PTPN21: variants seen among roughly 807,000 people sequenced by gnomAD.
PTPN21 encodes the protein protein tyrosine phosphatase non-receptor type 21.
A neutral mutation model predicts 131.8 loss-of-function variants in PTPN21; 77 were observed. That is an observed-to-expected ratio of 0.58 (90% CI 0.49 to 0.71). PTPN21 has a LOEUF of 0.71. Among genes scored for constraint, PTPN21 ranks in the 30% least tolerant of loss-of-function variants. PTPN21 has a pLI of 0.00. For missense variants in PTPN21, 1,552 were observed against 1,527.1 expected (o/e 1.02, Z -0.27); for synonymous variants, 715 against 621.3 (o/e 1.15, Z -2.24).
At position 88,466,021 on chromosome 14, in the gene PTPN21, CTGTT is replaced by C. The variant is rs1247764318; in HGVS notation, c.*2112_*2115del. 7.3e-5 allele frequency: 11 copies of C among 151,264 alleles called. No homozygotes were observed. The highest frequency in any genetic ancestry group is 1.2e-4 in the Non-Finnish European group (8 of 67,956). The allele number at this position is 151,264 out of a possible 1,614,324, so 9.4% of individuals were successfully genotyped here. On this transcript the variant is annotated 3_prime_UTR_variant, in exon 19 of 19. Transcript: ENST00000556564. ...GTTCTTGTCAACGAGCTATGTCAAA[CTGTT>C]TGTTTAAACCTGACAGAAAAGCATT...
At chr14:88,483,232 T>C (rs1413716712) in intron 12 of PTPN21, among the ~76,000 whole-genome samples, 1 of 137,456 alleles carries the variant, frequency 7.3e-6, no homozygotes, top group Admixed American at 7.2e-5. Flanking sequence ...AAAAAAAAAG[T>C]CAGTGAGAAA....
intron 2 of PTPN21, chr14:88,547,525 G>A (rs1004874012): frequency 5.6e-6 from 2 of 354,704 alleles, no homozygotes; most frequent in Admixed American, 3.5e-5. Flanking sequence ...GTGGTGGAGT[G>A]TACCTGTAGT....
chr14:88,528,855 C>G (rs2078516604), intron 2 of PTPN21, among the ~76,000 whole-genome samples: 1 of 152,152 alleles, frequency 6.6e-6, no homozygotes, highest in South Asian at 2.1e-4. Flanking sequence ...TTACTGAATT[C>G]ATTTATCGAT....
intron 6 of PTPN21, among the ~76,000 whole-genome samples, chr14:88,502,877 G>C (rs1466406440): frequency 6.6e-6 from 1 of 152,008 alleles, no homozygotes; most frequent in Admixed American, 6.6e-5. Context: ...AGAGGTAAGA[G>C]GAAACTGATA....
At chr14:88,503,559 T>C (rs1266503487) in intron 6 of PTPN21, among the ~76,000 whole-genome samples, 2 of 152,192 alleles carry the variant, frequency 1.3e-5, no homozygotes, top group African/African-American at 4.8e-5. Context: ...TGTTTTTCAC[T>C]TTCAGTACAG....
At chr14:88,546,811 C>G (rs2078789204) in intron 2 of PTPN21, among the ~76,000 whole-genome samples, 2 of 152,190 alleles carry the variant, frequency 1.3e-5, no homozygotes, top group South Asian at 4.2e-4. Flanking sequence ...TGTGACCCCA[C>G]TCAGATTATT....
chr14:88,505,165 G>A (rs559458646), intron 5 of PTPN21, 139 bp downstream of exon 5: 21 of 676,258 alleles, frequency 3.1e-5, no homozygotes, highest in African/African-American at 1.1e-4. Context: ...TCACACTTGA[G>A]ATGTTTATAA....
chr14:88,518,256 A>AAAAAATATG (rs2078314321), intron 2 of PTPN21, among the ~76,000 whole-genome samples: 1 of 32,496 alleles, frequency 3.1e-5, no homozygotes, highest in African/African-American at 1.6e-4. Context: ...AAAAAAAAAA[A>AAAAAATATG]TATATATATA....
At chr14:88,545,770 G>T (rs903144889) in intron 2 of PTPN21, among the ~76,000 whole-genome samples, 1 of 152,052 alleles carries the variant, frequency 6.6e-6, no homozygotes, top group East Asian at 1.9e-4. Flanking sequence ...AGACCATCCT[G>T]GCTAACACGG....
At chr14:88,484,660 A>G (rs1157666318) in intron 12 of PTPN21, among the ~76,000 whole-genome samples, 1 of 152,132 alleles carries the variant, frequency 6.6e-6, no homozygotes, top group Non-Finnish European at 1.5e-5. Context: ...ACCCAAATAT[A>G]CCTGGATCAT....
At chr14:88,547,896 G>C (rs952902610) in intron 2 of PTPN21, among the ~76,000 whole-genome samples, 5 of 152,008 alleles carry the variant, frequency 3.3e-5, no homozygotes, top group Non-Finnish European at 7.4e-5. Flanking sequence ...TGGATCTCAT[G>C]CCTGAACTCC....
In PTPN21 at chr14:88,491,440, C is replaced by A. The variant is rs999701844; in HGVS notation, c.932+4973G>T. Among the ~76,000 whole-genome samples, 3 of 152,290 alleles carry A rather than the reference C, an allele frequency of 2.0e-5. No individual in the cohort carries two copies. In the South Asian group the frequency reaches 6.2e-4, roughly 32 times the overall value. On this transcript the variant is annotated intron_variant, in intron 10 of 18. Coordinates refer to ENST00000556564, the MANE Select transcript of PTPN21 (RefSeq NM_007039.4). Reference sequence around the variant, plus strand: ...CCCAAAGCAGATGTCCAGAAGCCACCGTCCAGTTCCAGGCCAGGGGCAGTT... The same window carrying A: ...CCCAAAGCAGATGTCCAGAAGCCACAGTCCAGTTCCAGGCCAGGGGCAGTT...
intron 2 of PTPN21, among the ~76,000 whole-genome samples, chr14:88,517,669 C>T (rs949011563): frequency 2.3e-3 from 15 of 6,520 alleles, no homozygotes; most frequent in East Asian, 0.019. Context: ...TACACATACA[C>T]ACACATATGT....
chr14:88,552,482 T>C (rs553485643), intron 1 of PTPN21: 1 of 152,342 alleles, frequency 6.6e-6, no homozygotes, highest in South Asian at 2.1e-4. Flanking sequence ...CAGAGCTGTA[T>C]CTCTAATAAG....
At position 88,472,447 on chromosome 14, in the gene PTPN21, G is replaced by T. The variant is rs750949133; in HGVS notation, c.2668C>A (p.Arg890=). The T allele has an allele frequency of 6.2e-7, 1 of 1,611,646 alleles. No homozygotes were observed. The change falls in exon 15 of 19, where the codon CGA becomes AGA. Residue 890 remains arginine (R), a synonymous_variant. Transcript: ENST00000556564. ...GTGAATACCATTCCTTGTTCTAATC[G>T]TTGTTCCAGAATTTTACACTATAAA... ...NDERCKILEQ[R]LEQGMVFTEY...
chr14:88,522,598 A>C (rs776156207), intron 2 of PTPN21, among the ~76,000 whole-genome samples: 7 of 152,110 alleles, frequency 4.6e-5, no homozygotes, highest in Non-Finnish European at 7.3e-5. Context: ...TAGTTAAAGT[A>C]TTTGCTTTGG....
intron 18 of PTPN21, among the ~76,000 whole-genome samples, chr14:88,468,668 A>G (rs2077403795): frequency 1.3e-5 from 2 of 152,208 alleles, no homozygotes; most frequent in Non-Finnish European, 1.5e-5. Flanking sequence ...CTCAAATTTG[A>G]AAAACCCTGG....
Position 88,469,520 on chromosome 14 carries a change from C to T in PTPN21, c.3214G>A (p.Glu1072Lys), listed in dbSNP as rs1205730185. Residue 1072 changes from glutamate to lysine, a missense_variant, in exon 17 of 19, where the codon GAA (glutamate) becomes AAA (lysine). Glu to Lys is a moderately conservative substitution (Grantham distance 56). Coordinates refer to ENST00000556564, the MANE Select transcript of PTPN21 (RefSeq NM_007039.4). The surrounding 1 kb of genome is among the most constrained non-coding windows in gnomAD (Gnocchi z 4.3). ...YTDWPEHGCPEDLKGFLSYLE... is the reference protein window; with the variant it reads ...YTDWPEHGCPKDLKGFLSYLE... ...TCACATAAAAATCCCTTGAGGTCTT[C>T]TGGACAGCCATGTTCAGGCCAGTCT... 2 of 1,613,980 alleles carry T rather than the reference C, an allele frequency of 1.2e-6. No individual in the cohort carries two copies. The highest frequency in any genetic ancestry group is 8.5e-7 in the Non-Finnish European group (1 of 1,179,832).
At chr14:88,539,844 TTC>T (rs1159506307) in intron 2 of PTPN21, among the ~76,000 whole-genome samples, 2 of 152,266 alleles carry the variant, frequency 1.3e-5, no homozygotes, top group Non-Finnish European at 2.9e-5. Flanking sequence ...TGCTTCATTT[TTC>T]TGTTATCATA....
Sources: allele counts gnomAD v4.1 joint callset (sites outside exome capture counted in the v4.1 genomes callset), GRCh38; gene constraint gnomAD v4.1.1; non-coding constraint Gnocchi (gnomAD v3.1); transcripts MANE v1.5; gene names NCBI Gene and HGNC (gene_info 2026-07-23, HGNC 2026-07-21).